The following PTPRD variants were observed in gnomAD, a reference collection of about 807,000 sequenced individuals.
The protein encoded by PTPRD is receptor-type tyrosine-protein phosphatase delta.
Under a neutral mutation model 214.5 loss-of-function variants are expected in PTPRD, and 34 were observed. The observed-to-expected ratio is 0.16, with a 90% CI of 0.12 to 0.21. The LOEUF is 0.21. Ranked by LOEUF, PTPRD falls within the 10% of genes least tolerant of loss-of-function variation. The pLI, the probability that PTPRD is intolerant of heterozygous loss-of-function variation, is 1.00. For missense variants in PTPRD, 2,545 were observed against 2,398.7 expected, an observed-to-expected ratio of 1.06 and a Z score of -1.27; for synonymous variants, 1,128 against 845.7, an observed-to-expected ratio of 1.33 and a Z score of -5.79.
intron 15 of PTPRD, chr9:8,528,335 C>G: frequency 2.1e-6 from 1 of 481,392 alleles, no homozygotes; most frequent in South Asian, 4.2e-5. Flanking sequence ...AAAAAATTAC[C>G]AAAAATACAG....
chr9:10,042,312 T>G (rs1270378281), intron 3 of PTPRD, among the ~76,000 whole-genome samples: 2 of 151,948 alleles, frequency 1.3e-5, no homozygotes, highest in African/African-American at 4.8e-5. Flanking sequence ...CATGCGGAGA[T>G]AGAAGACTCA....
At chr9:9,801,299 C>G (rs2099038297) in intron 5 of PTPRD, among the ~76,000 whole-genome samples, 1 of 151,592 alleles carries the variant, frequency 6.6e-6, no homozygotes, top group South Asian at 2.1e-4. Flanking sequence ...ACCCACTTTT[C>G]TCTATGCTGT....
rs1301367338 is a variant in PTPRD at position 9,854,437 on chromosome 9, CA to C, written c.-368+84069del. Reference sequence around the variant, plus strand: ...GTTGGGAAATATTTATCCTATGAATCATATAAAGTTTGTCAAGGAGTAACTT... The same window carrying C: ...GTTGGGAAATATTTATCCTATGAATCTATAAAGTTTGTCAAGGAGTAACTT... On this transcript the variant is annotated intron_variant, in intron 5 of 45. Coordinates refer to ENST00000381196, the MANE Select transcript of PTPRD (RefSeq NM_002839.4). Among the ~76,000 whole-genome samples, 5 of 151,734 alleles carry C rather than the reference CA, an allele frequency of 3.3e-5. No homozygotes were observed. The East Asian group carries it at 9.7e-4, about 29-fold the overall frequency.
chr9:9,166,103 G>T (rs1321234024), intron 10 of PTPRD, among the ~76,000 whole-genome samples: 4 of 149,322 alleles, frequency 2.7e-5, no homozygotes, highest in African/African-American at 9.9e-5. Flanking sequence ...TAATTAAAAT[G>T]TCTCAGCTCA....
At chr9:9,485,082 T>C (rs1333081441) in intron 8 of PTPRD, among the ~76,000 whole-genome samples, 1 of 152,214 alleles carries the variant, frequency 6.6e-6, no homozygotes, top group Non-Finnish European at 1.5e-5. Flanking sequence ...TCTTGCAGTT[T>C]TTGAAAGATC....
intron 3 of PTPRD, among the ~76,000 whole-genome samples, chr9:10,181,174 C>A (rs2099280451): frequency 6.6e-6 from 1 of 151,968 alleles, no homozygotes; most frequent in Admixed American, 6.6e-5. Context: ...GGATAGTCAT[C>A]TAATCTTTAG....
intron 2 of PTPRD, among the ~76,000 whole-genome samples, chr9:10,555,533 C>G (rs577841496): frequency 6.6e-6 from 1 of 152,240 alleles, no homozygotes; most frequent in South Asian, 2.1e-4. Context: ...CATGCCTTTC[C>G]CCACCTCCAA....
chr9:10,231,985 AGAGAGT>A (rs1437474541), intron 3 of PTPRD, among the ~76,000 whole-genome samples: 193 of 96,238 alleles, frequency 2.0e-3, no homozygotes, highest in African/African-American at 5.9e-3. Flanking sequence ...AGAGAGAGAG[AGAGAGT>A]GTGTGTGTGT....
At chr9:10,508,465 T>C (rs2046834471) in intron 2 of PTPRD, among the ~76,000 whole-genome samples, 1 of 152,196 alleles carries the variant, frequency 6.6e-6, no homozygotes, top group Admixed American at 6.5e-5. Context: ...CAAAGGATTA[T>C]AAATCATGCT....
At chr9:10,451,722 G>A (rs915876562) in intron 2 of PTPRD, among the ~76,000 whole-genome samples, 2 of 149,908 alleles carry the variant, frequency 1.3e-5, no homozygotes, top group African/African-American at 2.5e-5. Context: ...CTAATAAAGT[G>A]GTTTTCTAAG....
chr9:8,722,161 G>GTGTT (rs769854718), intron 12 of PTPRD, among the ~76,000 whole-genome samples: 1 of 135,310 alleles, frequency 7.4e-6, no homozygotes, highest in Non-Finnish European at 1.6e-5. Flanking sequence ...GTGTGTGTGT[G>GTGTT]TGTGTACAGA....
intron 3 of PTPRD, among the ~76,000 whole-genome samples, chr9:10,265,179 T>C (rs1024409671): frequency 6.6e-6 from 1 of 152,108 alleles, no homozygotes; most frequent in African/African-American, 2.4e-5. Context: ...AAATAGCAAA[T>C]ATGATACAAT....
chr9:10,515,923 G>C (rs940011722), intron 2 of PTPRD, among the ~76,000 whole-genome samples: 1 of 151,696 alleles, frequency 6.6e-6, no homozygotes, highest in Non-Finnish European at 1.5e-5. Context: ...TCTTTTTTAT[G>C]GCTGAGTAAG....
At chr9:9,225,876 A>T (rs1382165553) in intron 9 of PTPRD, among the ~76,000 whole-genome samples, 2 of 151,970 alleles carry the variant, frequency 1.3e-5, no homozygotes, top group Non-Finnish European at 2.9e-5. Context: ...ATATTGATGC[A>T]TCTCATTCAG....
chr9:9,801,963 C>T (rs2153512460), intron 5 of PTPRD, among the ~76,000 whole-genome samples: 1 of 152,104 alleles, frequency 6.6e-6, no homozygotes, highest in Admixed American at 6.5e-5. Context: ...ATGGAGTCAG[C>T]TTGGATAATT....
At position 10,146,150 on chromosome 9, in the gene PTPRD, C is replaced by CATATATATATAT. The variant is rs56191246; in HGVS notation, c.-544-112372_-544-112361dup. On this transcript the variant is annotated intron_variant, in intron 3 of 45. Transcript: ENST00000381196. ...AAGCTAAAAATTAAGTGAAATCATC[C>CATATATATATAT]ATATATATATATATATATGTATATG... Among the ~76,000 whole-genome samples the CATATATATATAT allele has an allele frequency of 4.4e-3, 645 of 147,346 alleles. 2 individuals carry two copies. Among genetic ancestry groups the CATATATATATAT allele is most frequent in the South Asian group, 8.7e-3 (40 of 4,590 alleles).
intron 2 of PTPRD, among the ~76,000 whole-genome samples, chr9:10,571,534 C>T (rs141655195): frequency 2.6e-5 from 4 of 152,246 alleles, no homozygotes; most frequent in African/African-American, 9.6e-5. Flanking sequence ...TATTGGATGA[C>T]AGACCTTGGA....
At chr9:9,510,619 C>G (rs1474805451) in intron 8 of PTPRD, among the ~76,000 whole-genome samples, 2 of 151,100 alleles carry the variant, frequency 1.3e-5, no homozygotes, top group Non-Finnish European at 3.0e-5. Flanking sequence ...ATCTTACTAC[C>G]AGCCATTAAG....
chr9:9,521,240 C>G (rs973510418), intron 8 of PTPRD, among the ~76,000 whole-genome samples: 1 of 152,134 alleles, frequency 6.6e-6, no homozygotes, highest in African/African-American at 2.4e-5. Flanking sequence ...AAATGGATGA[C>G]TAGGTCTGCG....
Sources: gnomAD v4.1 joint callset for allele counts (sites outside exome capture counted in the v4.1 genomes callset) on GRCh38, gnomAD v4.1.1 for gene constraint, MANE v1.5 for transcripts, NCBI Gene and HGNC (gene_info 2026-07-23, HGNC 2026-07-21) for gene names.